RBM20: variants seen among roughly 807,000 people sequenced by gnomAD.
RBM20 encodes the protein RNA binding motif protein 20.
RBM20 carries 51 observed loss-of-function variants against 110.1 expected under a neutral mutation model. The ratio of observed to expected loss-of-function variants is 0.46; its 90% CI spans 0.37 to 0.59. The LOEUF is 0.59. Ranked by LOEUF, RBM20 falls within the 20% of genes least tolerant of loss-of-function variation. RBM20 has a pLI of 0.00. For synonymous variants in RBM20, 589 were observed against 618.2 expected (o/e 0.95, Z 0.70); for missense variants, 1,512 against 1,574.9 (o/e 0.96, Z 0.68).
chr10:110,764,384 G>A (rs1436310496), intron 1 of RBM20, among the ~76,000 whole-genome samples: 2 of 152,228 alleles, frequency 1.3e-5, no homozygotes, highest in Non-Finnish European at 1.5e-5. Context: ...TGGTCAGCGC[G>A]ATCAGACCTA....
At chr10:110,784,664 C>T in intron 4 of RBM20, 128 bp from the exon 5 acceptor site, 2 of 730,836 alleles carry the variant, frequency 2.7e-6, no homozygotes, top group Non-Finnish European at 4.8e-6. Context: ...TCCAGAGGTA[C>T]AATCATGCCA....
At position 110,821,580 on chromosome 10, in the gene RBM20, T is replaced by C. The variant is rs1007376405; in HGVS notation, c.2961T>C (p.Ala987=). ...SLKSPRELPS[A]STSCPSDMDV... ...AGTCACCCAGAGAACTGCCCTCTGC[T>C]TCCACAAGCTGTCCCAGTGACATGG... is the stretch of plus-strand genomic sequence containing the variant. Residue 987 remains alanine (A), a synonymous_variant, in exon 11 of 14, where the codon GCT becomes GCC. Transcript: ENST00000369519. 6.4e-7 allele frequency: 1 copy of C among 1,550,604 alleles called. No individual in the cohort carries two copies. The highest frequency in any genetic ancestry group is 8.7e-7 in the Non-Finnish European group (1 of 1,145,982).
intron 6 of RBM20, among the ~76,000 whole-genome samples, chr10:110,798,025 A>G (rs1336922625): frequency 6.6e-6 from 1 of 152,190 alleles, no homozygotes; most frequent in Non-Finnish European, 1.5e-5. Flanking sequence ...CTCCTATCTG[A>G]TGGCCTGGAT....
intron 1 of RBM20, among the ~76,000 whole-genome samples, chr10:110,671,202 A>G (rs1173151330): frequency 6.6e-6 from 1 of 152,220 alleles, no homozygotes; most frequent in Non-Finnish European, 1.5e-5. Context: ...TGACTTACCC[A>G]AAGTTATTAT....
chr10:110,799,363 A>G (rs1844592191), intron 6 of RBM20, among the ~76,000 whole-genome samples: 1 of 152,206 alleles, frequency 6.6e-6, no homozygotes, highest in African/African-American at 2.4e-5. Flanking sequence ...GGAAAGGGCC[A>G]TCTTATAATG....
chr10:110,762,713 T>C (rs1844022531), intron 1 of RBM20, among the ~76,000 whole-genome samples: 1 of 152,168 alleles, frequency 6.6e-6, no homozygotes, highest in South Asian at 2.1e-4. Context: ...CTGGCAGGTT[T>C]CAGGTGTTTG....
At chr10:110,701,619 C>T (rs1177223769) in intron 1 of RBM20, among the ~76,000 whole-genome samples, 2 of 152,060 alleles carry the variant, frequency 1.3e-5, no homozygotes, top group African/African-American at 2.4e-5. Flanking sequence ...ATATGCATGT[C>T]CATGCACACA....
At chr10:110,655,287 TC>T (rs1862006017) in intron 1 of RBM20, among the ~76,000 whole-genome samples, 1 of 148,536 alleles carries the variant, frequency 6.7e-6, no homozygotes, top group Non-Finnish European at 1.5e-5. Context: ...CCCTTTTTTT[TC>T]CCCTTAAAAC....
chr10:110,735,875 T>G (rs543107641), intron 1 of RBM20, among the ~76,000 whole-genome samples: 1 of 152,310 alleles, frequency 6.6e-6, no homozygotes, highest in African/African-American at 2.4e-5. Context: ...GGATTGCTGA[T>G]CTCATGGCTA....
At chr10:110,716,504 G>A (rs1863019645) in intron 1 of RBM20, among the ~76,000 whole-genome samples, 1 of 152,180 alleles carries the variant, frequency 6.6e-6, no homozygotes, top group African/African-American at 2.4e-5. Flanking sequence ...ATCTAATATT[G>A]CAAGTTATTA....
chr10:110,733,291 C>G (rs1843637316), intron 1 of RBM20, among the ~76,000 whole-genome samples: 1 of 152,210 alleles, frequency 6.6e-6, no homozygotes, highest in Non-Finnish European at 1.5e-5. Flanking sequence ...GATATTTCTT[C>G]TAGTGCAGAA....
intron 5 of RBM20, among the ~76,000 whole-genome samples, chr10:110,794,412 C>T (rs1844522306): frequency 6.6e-6 from 1 of 152,230 alleles, no homozygotes; most frequent in African/African-American, 2.4e-5. Flanking sequence ...TGAAGCCAGA[C>T]ACCACACAAA....
intron 1 of RBM20, among the ~76,000 whole-genome samples, chr10:110,744,382 T>C (rs1357155386): frequency 1.3e-5 from 2 of 152,190 alleles, no homozygotes; most frequent in African/African-American, 4.8e-5. Context: ...ACCGGGCTGA[T>C]GCTTGTGGCT....
At chr10:110,809,553 C>A (rs559667230) in intron 7 of RBM20, among the ~76,000 whole-genome samples, 1 of 152,144 alleles carries the variant, frequency 6.6e-6, no homozygotes, top group African/African-American at 2.4e-5. Flanking sequence ...TAGGAAAGGG[C>A]TTTGGTCGGG....
At position 110,783,413 on chromosome 10, in the gene RBM20, G is replaced by T; in HGVS notation, c.1323G>T (p.Leu441=). 2 of 1,550,992 alleles carry T rather than the reference G, an allele frequency of 1.3e-6. No individual in the cohort carries two copies. Among genetic ancestry groups the T allele is most frequent in the South Asian group, 1.2e-5 (1 of 83,996 alleles). Residue 441 remains leucine, a synonymous_variant, in exon 3 of 14, where the codon CTG becomes CTT. Coordinates refer to ENST00000369519, the MANE Select transcript of RBM20 (RefSeq NM_001134363.3). ...VKGKLHAQKC[L]VFSENAGIRC... is the part of the protein sequence containing the mutation. ...GGAAGCTGCACGCTCAGAAATGCCTGGTCTTCTCTGAAAAGTAAGTGCTGT... is the reference window on the plus strand; with the variant it reads ...GGAAGCTGCACGCTCAGAAATGCCTTGTCTTCTCTGAAAAGTAAGTGCTGT...
chr10:110,742,060 C>G (rs913602015), intron 1 of RBM20, among the ~76,000 whole-genome samples: 3 of 152,166 alleles, frequency 2.0e-5, no homozygotes, highest in Admixed American at 6.5e-5. Context: ...AGTGCTCCAC[C>G]CTTTTTTGTA....
At chr10:110,809,167 T>G (rs1320973780) in intron 7 of RBM20, among the ~76,000 whole-genome samples, 1 of 132,230 alleles carries the variant, frequency 7.6e-6, no homozygotes, top group East Asian at 2.5e-4. Flanking sequence ...CAGTGAGCTG[T>G]GATTGTACCA....
intron 1 of RBM20, among the ~76,000 whole-genome samples, chr10:110,779,851 T>A (rs1332469541): frequency 6.6e-6 from 1 of 152,210 alleles, no homozygotes; most frequent in Non-Finnish European, 1.5e-5. Flanking sequence ...CATGTTACTT[T>A]TGGATGTGAA....
chr10:110,703,058 T>C (rs1862783612), intron 1 of RBM20, among the ~76,000 whole-genome samples: 1 of 150,690 alleles, frequency 6.6e-6, no homozygotes. Flanking sequence ...GTTGAGATAA[T>C]TGTAGATTCA....
Sources: allele counts gnomAD v4.1 joint callset (sites outside exome capture counted in the v4.1 genomes callset), GRCh38; gene constraint gnomAD v4.1.1; transcripts MANE v1.5; gene names NCBI Gene and HGNC (gene_info 2026-07-23, HGNC 2026-07-21).